The following CFAP70 variants were observed in gnomAD, a reference collection of about 807,000 sequenced individuals.
CFAP70 encodes cilia and flagella associated protein 70.
A neutral mutation model predicts 137.6 loss-of-function variants in CFAP70; 81 were observed. The observed-to-expected ratio is 0.59, with a 90% confidence interval of 0.49 to 0.71. The LOEUF (loss-of-function observed/expected upper bound fraction) is 0.71. Ranked by LOEUF, CFAP70 falls within the 30% of genes least tolerant of loss-of-function variation. CFAP70 has a pLI of 0.00. For synonymous variants in CFAP70, 382 were observed against 423.6 expected, an observed-to-expected ratio of 0.90 and a Z score of 1.20; for missense variants, 976 against 1,226.7, an observed-to-expected ratio of 0.80 and a Z score of 3.05.
intron 19 of CFAP70, among the ~76,000 whole-genome samples, chr10:73,280,662 A>G (rs558768134): frequency 2.0e-5 from 3 of 152,304 alleles, no homozygotes; most frequent in African/African-American, 4.8e-5. Flanking sequence ...ATGTCTGTCA[A>G]GGTATTCATA....
chr10:73,334,218 C>T (rs2052402518), intron 7 of CFAP70, among the ~76,000 whole-genome samples: 1 of 152,142 alleles, frequency 6.6e-6, no homozygotes, highest in South Asian at 2.1e-4. Context: ...TGTACCTGTT[C>T]TTTAGTAATT....
intron 9 of CFAP70, among the ~76,000 whole-genome samples, chr10:73,319,606 C>G (rs1223481893): frequency 1.3e-5 from 2 of 152,174 alleles, no homozygotes; most frequent in East Asian, 3.8e-4. Flanking sequence ...TGCAAGCCAT[C>G]AGGGAGGTCA....
chr10:73,300,832 C>T (rs933847823), intron 12 of CFAP70, among the ~76,000 whole-genome samples: 29 of 152,264 alleles, frequency 1.9e-4, no homozygotes, highest in African/African-American at 6.0e-4. Context: ...TGCATTCCAG[C>T]CTGGGCCACA....
chr10:73,277,662 G>A (rs572717908), intron 20 of CFAP70, among the ~76,000 whole-genome samples: 184 of 151,506 alleles, frequency 1.2e-3, no homozygotes, highest in Middle Eastern at 3.4e-3. Context: ...GCAGTGAGCC[G>A]AGATTGCGCC....
intron 10 of CFAP70, 55 bp from the exon 12 acceptor site, chr10:73,311,969 G>GA: frequency 7.5e-7 from 1 of 1,324,776 alleles, no homozygotes. Context: ...TCTTCATAGT[G>GA]ACAAGAACAA....
intron 25 of CFAP70, 56 bp from the exon 27 acceptor site, chr10:73,256,472 A>G: frequency 4.4e-6 from 7 of 1,598,994 alleles, no homozygotes; most frequent in Non-Finnish European, 6.0e-6. Flanking sequence ...TATGGTAAGG[A>G]AAATACATTG....
At chr10:73,316,497 T>TAG (rs1446577989) in intron 9 of CFAP70, among the ~76,000 whole-genome samples, 3 of 134,432 alleles carry the variant, frequency 2.2e-5, no homozygotes, top group South Asian at 2.6e-4. Flanking sequence ...GATATATATA[T>TAG]ATATATATAT....
At chr10:73,301,778 T>C (rs2048973033) in intron 12 of CFAP70, among the ~76,000 whole-genome samples, 1 of 152,180 alleles carries the variant, frequency 6.6e-6, no homozygotes, top group Non-Finnish European at 1.5e-5. Flanking sequence ...TTTTCTAAGT[T>C]CACATCGGAC....
At chr10:73,263,504 T>C (rs2045477035) in intron 25 of CFAP70, among the ~76,000 whole-genome samples, 1 of 152,254 alleles carries the variant, frequency 6.6e-6, no homozygotes, top group Non-Finnish European at 1.5e-5. Context: ...CTGGCATTTT[T>C]TAAAAATAGA....
At chr10:73,312,574 T>C (rs1564825073) in exon 10 of CFAP70, 1 of 1,612,272 alleles carries the variant, frequency 6.2e-7, no homozygotes, top group Non-Finnish European at 8.5e-7. Flanking sequence ...AGAGAATTAA[T>C]TCCTCCTATT....
chr10:73,349,488 A>T (rs1276091443), intron 3 of CFAP70, among the ~76,000 whole-genome samples: 32 of 151,858 alleles, frequency 2.1e-4, no homozygotes, highest in Non-Finnish European at 8.8e-5. Context: ...GCTTGCAGTG[A>T]GCCGAGACTG....
intron 6 of CFAP70, among the ~76,000 whole-genome samples, chr10:73,340,213 G>C (rs1331498411): frequency 1.3e-5 from 2 of 152,018 alleles, no homozygotes; most frequent in Admixed American, 6.5e-5. Flanking sequence ...TCAGCTCTCA[G>C]CAGACAGGAT....
At chr10:73,355,580 A>G (rs1172469346) in intron 1 of CFAP70, among the ~76,000 whole-genome samples, 1 of 152,192 alleles carries the variant, frequency 6.6e-6, no homozygotes, top group Non-Finnish European at 1.5e-5. Context: ...GTTCGAGATC[A>G]GCCTGTCCAA....
chr10:73,282,978 G>A (rs1298622601), intron 19 of CFAP70, among the ~76,000 whole-genome samples: 10 of 151,486 alleles, frequency 6.6e-5, no homozygotes, highest in Non-Finnish European at 4.4e-5. Flanking sequence ...GATTACAGTC[G>A]TGCACCACCA....
chr10:73,348,201 G>A (rs1439392694), intron 4 of CFAP70: 4 of 1,614,210 alleles, frequency 2.5e-6, no homozygotes, highest in Admixed American at 3.3e-5. Context: ...CTTGCACAGG[G>A]TGCAATGGAA....
At chr10:73,272,905 G>A in intron 24 of CFAP70, 23 bp downstream of exon 25, 1 of 1,547,344 alleles carries the variant, frequency 6.5e-7, no homozygotes, top group South Asian at 1.2e-5. Context: ...CACAGCCCTA[G>A]TCTCAAGCCT....
intron 25 of CFAP70, among the ~76,000 whole-genome samples, 181 bp from the exon 27 acceptor site, chr10:73,256,597 G>T (rs1355386534): frequency 6.7e-6 from 1 of 149,248 alleles, no homozygotes; most frequent in African/African-American, 2.5e-5. Flanking sequence ...GGAGAAAAAG[G>T]TTTTTTTTTT....
At chr10:73,318,376 G>A (rs1252666132) in intron 9 of CFAP70, among the ~76,000 whole-genome samples, 1 of 152,046 alleles carries the variant, frequency 6.6e-6, no homozygotes, top group Admixed American at 6.6e-5. Flanking sequence ...GTGAAAAAAT[G>A]TTATCATATT....
At chr10:73,308,900 T>C (rs1230084303) in intron 12 of CFAP70, among the ~76,000 whole-genome samples, 1 of 148,458 alleles carries the variant, frequency 6.7e-6, no homozygotes, top group Non-Finnish European at 1.5e-5. Context: ...GAGGGAAATA[T>C]ATAGTTCTCT....
Sources: gnomAD v4.1 joint callset for allele counts (sites outside exome capture counted in the v4.1 genomes callset) on GRCh38, gnomAD v4.1.1 for gene constraint, MANE v1.5 for transcripts, NCBI Gene and HGNC (gene_info 2026-07-23, HGNC 2026-07-21) for gene names.